Variants in SGCD observed in about 807,000 individuals in gnomAD.
SGCD encodes delta-sarcoglycan.
In SGCD, 18 loss-of-function variants were observed where a neutral mutation model predicts 36.6. That is an observed-to-expected ratio of 0.49 (90% CI 0.34 to 0.73). The LOEUF (loss-of-function observed/expected upper bound fraction) is 0.73, where lower values mean the gene tolerates loss of function less well. Ranked by LOEUF, SGCD falls within the 30% of genes least tolerant of loss-of-function variation. The pLI, the probability that SGCD is intolerant of heterozygous loss-of-function variation, is 0.01. For synonymous variants in SGCD, 133 were observed against 130.6 expected, an observed-to-expected ratio of 1.02 and a Z score of -0.12; for missense variants, 387 against 346.7, an observed-to-expected ratio of 1.12 and a Z score of -0.92.
chr5:155,991,834 CT>C (rs975194457), intron 1 of SGCD, among the ~76,000 whole-genome samples: 20 of 152,234 alleles, frequency 1.3e-4, no homozygotes, highest in East Asian at 5.8e-4. Flanking sequence ...TCCACAAAGA[CT>C]TTTTTTCTTA....
At chr5:156,381,764 T>C (rs1178551628) in intron 3 of SGCD, among the ~76,000 whole-genome samples, 1 of 152,132 alleles carries the variant, frequency 6.6e-6, no homozygotes, top group Non-Finnish European at 1.5e-5. Context: ...AAGGCAGTAG[T>C]ATGATTGGAA....
Position 156,269,505 on chromosome 5 carries a change from A to AAAAAAAAAAC in SGCD, c.-43-60024_-43-60023insAAAACAAAAA, listed in dbSNP as rs1189540837. On this transcript the variant is annotated intron_variant, in intron 3 of 9. Transcript: ENST00000517913. ...AAAAAAAAAAAAAAAAAAAAAAAAA[A>AAAAAAAAAAC]AAAAACCATCAGATCTCATGAAACT... Among the ~76,000 whole-genome samples the AAAAAAAAAAC allele has an allele frequency of 2.1e-4, 18 of 86,196 alleles. 1 individual carries two copies. Among genetic ancestry groups the AAAAAAAAAAC allele is most frequent in the Non-Finnish European group, 4.1e-4 (17 of 41,326 alleles). 56.5% of individuals were successfully genotyped at this position (86,196 alleles called of 152,430 possible).
At chr5:156,625,008 A>G (rs112292308) in intron 6 of SGCD, among the ~76,000 whole-genome samples, 177 of 152,326 alleles carry the variant, frequency 1.2e-3, no homozygotes, top group African/African-American at 3.6e-3. Context: ...TACTCAGGAT[A>G]TGGGTTGGTG....
chr5:156,593,639 A>T (rs1213887694), intron 5 of SGCD, among the ~76,000 whole-genome samples: 1 of 152,156 alleles, frequency 6.6e-6, no homozygotes, highest in African/African-American at 2.4e-5. Flanking sequence ...AAATAAGCTA[A>T]TATAAGGTCA....
intron 1 of SGCD, among the ~76,000 whole-genome samples, chr5:156,032,833 G>C (rs530893426): frequency 6.6e-6 from 1 of 150,706 alleles, no homozygotes; most frequent in Non-Finnish European, 1.5e-5. Context: ...ACTTTGGGAA[G>C]TAAAGGCAGG....
At chr5:155,757,846 A>T in the SGCD span, among the ~76,000 whole-genome samples, 1 of 152,158 alleles carries the variant, frequency 6.6e-6, no homozygotes, top group African/African-American at 2.4e-5. Context: ...AGGTAATTGA[A>T]TCATGGGGGC....
chr5:156,090,284 A>G (rs907964947), intron 1 of SGCD, among the ~76,000 whole-genome samples: 2 of 152,180 alleles, frequency 1.3e-5, no homozygotes, highest in Admixed American at 6.5e-5. Context: ...CCAGCCTCCA[A>G]TATTTCAACA....
intron 1 of SGCD, among the ~76,000 whole-genome samples, chr5:156,043,859 G>T (rs1759696780): frequency 6.6e-6 from 1 of 152,164 alleles, no homozygotes; most frequent in South Asian, 2.1e-4. Context: ...CACAGTTTTG[G>T]ACCAAGAGAA....
chr5:156,647,439 G>C (rs1413852008), intron 6 of SGCD, 25 bp from the exon 7 acceptor site: 3 of 1,542,904 alleles, frequency 1.9e-6, no homozygotes, highest in Non-Finnish European at 1.8e-6. Context: ...TCCAATCTCT[G>C]TTTGCTTTTC....
intron 7 of SGCD, 78 bp from the exon 8 acceptor site, chr5:156,757,503 G>A (rs995471129): frequency 3.3e-5 from 30 of 921,650 alleles, no homozygotes; most frequent in Non-Finnish European, 4.4e-5. Flanking sequence ...CTTTGTTAAT[G>A]TCCTTGAGCA....
At chr5:155,890,756 A>G (rs1756110036) in intron 1 of SGCD, among the ~76,000 whole-genome samples, 1 of 152,088 alleles carries the variant, frequency 6.6e-6, no homozygotes, top group African/African-American at 2.4e-5. Context: ...AGTAACAAGA[A>G]CTATGGTCGT....
chr5:156,394,508 C>T (rs570217292), intron 3 of SGCD, among the ~76,000 whole-genome samples: 2 of 152,120 alleles, frequency 1.3e-5, no homozygotes, highest in Non-Finnish European at 2.9e-5. Flanking sequence ...ACAAAAAGGA[C>T]AATTATTACA....
At chr5:156,071,534 G>T (rs1760562274) in intron 1 of SGCD, among the ~76,000 whole-genome samples, 1 of 152,184 alleles carries the variant, frequency 6.6e-6, no homozygotes, top group Non-Finnish European at 1.5e-5. Flanking sequence ...ATTTGCTGAG[G>T]AGAGCTTTAC....
At chr5:156,652,081 A>G (rs1561838788) in intron 7 of SGCD, among the ~76,000 whole-genome samples, 3 of 152,068 alleles carry the variant, frequency 2.0e-5, no homozygotes, top group Non-Finnish European at 4.4e-5. Context: ...TTACTCGTGT[A>G]TAGAAATGCT....
chr5:156,453,329 G>C (rs1754109188), intron 3 of SGCD, among the ~76,000 whole-genome samples: 1 of 152,090 alleles, frequency 6.6e-6, no homozygotes, highest in Non-Finnish European at 1.5e-5. Context: ...ATATTATAAG[G>C]TTCAGTTACA....
At chr5:156,511,661 C>T (rs1269216182) in intron 4 of SGCD, among the ~76,000 whole-genome samples, 3 of 152,262 alleles carry the variant, frequency 2.0e-5, no homozygotes, top group Non-Finnish European at 4.4e-5. Flanking sequence ...GCATAATAGT[C>T]GTATATAAAC....
chr5:156,087,588 C>T (rs942715985), intron 1 of SGCD, among the ~76,000 whole-genome samples: 2 of 146,076 alleles, frequency 1.4e-5, no homozygotes, highest in East Asian at 2.0e-4. Context: ...TGCAGTGAGC[C>T]GAGATCGAGC....
chr5:156,640,818 T>G (rs575370832), intron 6 of SGCD, among the ~76,000 whole-genome samples: 15 of 152,314 alleles, frequency 9.8e-5, no homozygotes, highest in Non-Finnish European at 1.6e-4. Flanking sequence ...TCCTAGAAAC[T>G]ATTTGTAATG....
intron 1 of SGCD, among the ~76,000 whole-genome samples, chr5:155,879,226 T>G (rs1755827857): frequency 6.6e-6 from 1 of 152,180 alleles, no homozygotes; most frequent in Non-Finnish European, 1.5e-5. Context: ...CTTGTAAATT[T>G]CAAAGTTAAA....
Sources: gnomAD v4.1 joint callset for allele counts (sites outside exome capture counted in the v4.1 genomes callset) on GRCh38, gnomAD v4.1.1 for gene constraint, MANE v1.5 for transcripts, NCBI Gene and HGNC (gene_info 2026-07-23, HGNC 2026-07-21) for gene names.